IGF2BP3: variants seen among roughly 807,000 people sequenced by gnomAD.
IGF2BP3 encodes the protein insulin like growth factor 2 mRNA binding protein 3, also known as insulin-like growth factor 2 mRNA-binding protein 3.
IGF2BP3 carries 9 observed loss-of-function variants against 73.8 expected under a neutral mutation model. That is an observed-to-expected ratio of 0.12 (90% CI 0.07 to 0.21). IGF2BP3 has a LOEUF of 0.21. Among genes scored for constraint, IGF2BP3 ranks in the 10% least tolerant of loss-of-function variants. The pLI is 1.00. For missense variants in IGF2BP3, 542 were observed against 714.0 expected (o/e 0.76, Z 2.75); for synonymous variants, 258 against 256.7 (o/e 1.01, Z -0.05).
chr7:23,386,451 G>C (rs897336279), intron 3 of IGF2BP3, among the ~76,000 whole-genome samples: 1 of 152,116 alleles, frequency 6.6e-6, no homozygotes, highest in Admixed American at 6.5e-5. Flanking sequence ...ACCACACACA[G>C]AAACACACAA....
At chr7:23,350,487 T>C (rs900337219) in intron 6 of IGF2BP3, among the ~76,000 whole-genome samples, 3 of 152,174 alleles carry the variant, frequency 2.0e-5, no homozygotes, top group Non-Finnish European at 2.9e-5. Flanking sequence ...GAAGAGTTTG[T>C]CACCAAGCTT....
chr7:23,462,598 G>A (rs907520952), intron 2 of IGF2BP3, among the ~76,000 whole-genome samples: 25 of 152,056 alleles, frequency 1.6e-4, no homozygotes, highest in Non-Finnish European at 2.8e-4. Context: ...TCCTGACCTC[G>A]TGATCCACCC....
chr7:23,390,147 G>T (rs1786226468), intron 3 of IGF2BP3, among the ~76,000 whole-genome samples: 1 of 152,170 alleles, frequency 6.6e-6, no homozygotes, highest in South Asian at 2.1e-4. Flanking sequence ...ATTAGTGGGG[G>T]AAAGTATAAA....
At chr7:23,353,837 T>TTC (rs1404330707) in intron 5 of IGF2BP3, among the ~76,000 whole-genome samples, 1 of 152,222 alleles carries the variant, frequency 6.6e-6, no homozygotes, top group Non-Finnish European at 1.5e-5. Context: ...TCCCCTTTTT[T>TTC]TCTTAAGGGA....
chr7:23,328,976 G>C (rs1784373744), intron 10 of IGF2BP3, among the ~76,000 whole-genome samples: 1 of 152,146 alleles, frequency 6.6e-6, no homozygotes, highest in African/African-American at 2.4e-5. Flanking sequence ...TTGGCAGGCT[G>C]AGGCAGGAGG....
rs1291591368 is a variant in IGF2BP3, at chr7:23,319,248, C to G, written c.1210G>C (p.Glu404Gln). 3 of 1,602,534 alleles carry G rather than the reference C, an allele frequency of 1.9e-6. No homozygotes were observed. The African/African-American group carries it at 4.0e-5, about 22-fold the overall frequency. ...TPPYPQFEQS[E>Q]TETVHLFIPA... ...ATAAACAGATGAACAGTCTCCGTTT[C>G]TGATTGCTGTTAGAAAAGAAAGCCA... is the stretch of plus-strand genomic sequence containing the variant. The change falls in exon 11 of 15, where the codon GAA (glutamate) becomes CAA (glutamine). Residue 404 changes from glutamate (E) to glutamine (Q), a missense_variant. Transcript: ENST00000258729.
chr7:23,319,932 T>C (rs1784089606), intron 10 of IGF2BP3, among the ~76,000 whole-genome samples: 2 of 152,058 alleles, frequency 1.3e-5, no homozygotes, highest in Admixed American at 1.3e-4. Flanking sequence ...TTTTTTGAGA[T>C]GGAATCTCAC....
chr7:23,358,119 A>G (rs538943744), intron 5 of IGF2BP3, among the ~76,000 whole-genome samples: 1 of 152,262 alleles, frequency 6.6e-6, no homozygotes, highest in Non-Finnish European at 1.5e-5. Flanking sequence ...TAGCCTCATT[A>G]GCTAAAGACT....
Position 23,343,741 on chromosome 7 carries a change from C to A in IGF2BP3, c.1054G>T (p.Glu352Ter). Residue 352 changes from glutamate to a stop codon, truncating the protein, a stop_gained, in exon 9 of 15, where the codon GAA (glutamate) becomes TAA (stop). Transcript: ENST00000258729. LOFTEE classifies it high-confidence loss of function. ...ACATTCATAGAAGCAATATCATTTT[C>A]ATAAGACTCCCTGATTTTCTTCATG... ...EIMKKIRESY[E>*]NDIASMNLQA... 6.2e-7 allele frequency: 1 copy of A among 1,612,026 alleles called. No individual in the cohort carries two copies.
chr7:23,326,395 A>C (rs1268737944), intron 10 of IGF2BP3, among the ~76,000 whole-genome samples: 2 of 152,168 alleles, frequency 1.3e-5, no homozygotes, highest in Non-Finnish European at 2.9e-5. Flanking sequence ...TAGAATGGCA[A>C]TCATTAAAAA....
intron 12 of IGF2BP3, among the ~76,000 whole-genome samples, chr7:23,314,134 C>G (rs1407881650): frequency 6.6e-6 from 1 of 151,784 alleles, no homozygotes; most frequent in Non-Finnish European, 1.5e-5. Flanking sequence ...ATCCTCCTAC[C>G]TCAGCCTCCT....
chr7:23,362,747 C>CTTATTTAT (rs746302033), intron 3 of IGF2BP3: 2 of 151,936 alleles, frequency 1.3e-5, no homozygotes, highest in South Asian at 2.1e-4. Flanking sequence ...TACAAATTTT[C>CTTATTTAT]TTATTTATTT....
intron 3 of IGF2BP3, among the ~76,000 whole-genome samples, chr7:23,408,675 C>T (rs529064926): frequency 6.6e-6 from 1 of 152,194 alleles, no homozygotes; most frequent in East Asian, 1.9e-4. Flanking sequence ...AGAAGAACTG[C>T]TATAACATCC....
chr7:23,317,115 A>G (rs1562666094), intron 12 of IGF2BP3, among the ~76,000 whole-genome samples: 2 of 152,196 alleles, frequency 1.3e-5, no homozygotes, highest in South Asian at 2.1e-4. Context: ...TGCAGCCCCA[A>G]AGACCTCAAA....
intron 5 of IGF2BP3, 157 bp downstream of exon 5, chr7:23,361,377 C>A: frequency 1.7e-6 from 1 of 586,962 alleles, no homozygotes; most frequent in Non-Finnish European, 3.0e-6. Flanking sequence ...ACTAGACATT[C>A]AAACTTAAAA....
chr7:23,384,315 C>G (rs1043437369), intron 3 of IGF2BP3, among the ~76,000 whole-genome samples: 14 of 151,794 alleles, frequency 9.2e-5, no homozygotes, highest in African/African-American at 3.4e-4. Context: ...GGGGAAAGAA[C>G]AAGAGAGCAA....
In IGF2BP3 at chr7:23,345,984, A is replaced by G. The variant is rs1230501041; in HGVS notation, c.897T>C (p.Leu299=). 1 of 1,613,614 alleles carries G rather than the reference A, an allele frequency of 6.2e-7. No homozygotes were observed. The highest frequency in any genetic ancestry group is 1.1e-5 in the South Asian group (1 of 91,060). ...TGTCTGTGTCTTGCTCAATTTTTTTAAGATTTCTTCCTTCTTTACCAATAA... is the reference window on the plus strand; with the variant it reads ...TGTCTGTGTCTTGCTCAATTTTTTTGAGATTTCTTCCTTCTTTACCAATAA... ...GRLIGKEGRN[L]KKIEQDTDTK... is the part of the protein sequence containing the mutation. The change falls in exon 8 of 15, where the codon CTT becomes CTC. Residue 299 remains leucine (L), a synonymous_variant. Transcript: ENST00000258729.
chr7:23,367,291 T>C (rs2128510027), intron 3 of IGF2BP3, among the ~76,000 whole-genome samples: 1 of 152,262 alleles, frequency 6.6e-6, no homozygotes, highest in East Asian at 1.9e-4. Flanking sequence ...TTTTGCTTAA[T>C]TCTGCATTAA....
chr7:23,377,617 A>G (rs1785769477), intron 3 of IGF2BP3, among the ~76,000 whole-genome samples: 1 of 152,216 alleles, frequency 6.6e-6, no homozygotes, highest in African/African-American at 2.4e-5. Flanking sequence ...ATTCCTGGGT[A>G]TACACCCAAA....
Sources: gnomAD v4.1 joint callset for allele counts (sites outside exome capture counted in the v4.1 genomes callset) on GRCh38, gnomAD v4.1.1 for gene constraint, MANE v1.5 for transcripts, NCBI Gene and HGNC (gene_info 2026-07-23, HGNC 2026-07-21) for gene names.